Variants in FGGY observed in about 807,000 individuals in gnomAD.
The protein encoded by FGGY is FGGY carbohydrate kinase domain containing, also known as FGGY carbohydrate kinase domain-containing protein.
A neutral mutation model predicts 71.3 loss-of-function variants in FGGY; 72 were observed. The ratio of observed to expected loss-of-function variants is 1.01; its 90% confidence interval spans 0.84 to 1.23. FGGY has a LOEUF of 1.23. Ranked by LOEUF, FGGY falls within the 50% of genes most tolerant of loss-of-function variation. FGGY has a pLI of 0.00. For synonymous variants in FGGY, 251 were observed against 250.3 expected, an observed-to-expected ratio of 1.00 and a Z score of -0.02; for missense variants, 668 against 682.3, an observed-to-expected ratio of 0.98 and a Z score of 0.23.
At chr1:59,485,435 G>A (rs1569866752) in intron 6 of FGGY, among the ~76,000 whole-genome samples, 1 of 152,312 alleles carries the variant, frequency 6.6e-6, no homozygotes, top group East Asian at 1.9e-4. Context: ...TGGCTGGTCA[G>A]GTAGGTTAGC....
At chr1:59,452,535 C>T (rs2091287055) in intron 5 of FGGY, among the ~76,000 whole-genome samples, 1 of 152,116 alleles carries the variant, frequency 6.6e-6, no homozygotes, top group Non-Finnish European at 1.5e-5. Flanking sequence ...TGGGACTTGC[C>T]TCTTGTAGAT....
At chr1:59,686,140 T>C (rs2097542144) in intron 14 of FGGY, among the ~76,000 whole-genome samples, 1 of 152,178 alleles carries the variant, frequency 6.6e-6, no homozygotes, top group Non-Finnish European at 1.5e-5. Flanking sequence ...GTTTATAGCT[T>C]TTTGGAGATG....
chr1:59,693,335 G>T (rs1165733297), intron 14 of FGGY, among the ~76,000 whole-genome samples: 1 of 152,186 alleles, frequency 6.6e-6, no homozygotes, highest in East Asian at 1.9e-4. Context: ...TCTGTAAAAT[G>T]TTCTACCCAT....
intron 10 of FGGY, among the ~76,000 whole-genome samples, chr1:59,629,101 G>C (rs2096884943): frequency 6.6e-6 from 1 of 152,000 alleles, no homozygotes; most frequent in Admixed American, 6.6e-5. Context: ...AGCATTAGGA[G>C]AAATACCTAA....
chr1:59,604,602 G>T (rs1006543206), intron 8 of FGGY, among the ~76,000 whole-genome samples: 1 of 152,262 alleles, frequency 6.6e-6, no homozygotes, highest in Non-Finnish European at 1.5e-5. Context: ...TGGGACAGGG[G>T]ATGGGGAGAA....
intron 14 of FGGY, among the ~76,000 whole-genome samples, chr1:59,756,822 G>A (rs776699208): frequency 6.6e-6 from 1 of 151,976 alleles, no homozygotes; most frequent in Non-Finnish European, 1.5e-5. Context: ...CAGTAAGGTG[G>A]CAAAGATGGT....
chr1:59,616,054 C>A (rs918900809), intron 9 of FGGY, among the ~76,000 whole-genome samples: 1 of 152,130 alleles, frequency 6.6e-6, no homozygotes, highest in Non-Finnish European at 1.5e-5. Context: ...TAAACTAGTT[C>A]AACCATTGTG....
rs949802946 is a variant in FGGY, at chr1:59,450,269, C to T, written c.555-6692C>T. On this transcript the variant is annotated intron_variant, in intron 5 of 15. Coordinates refer to ENST00000303721, the MANE Select transcript of FGGY (RefSeq NM_018291.5). ...CGACCTTAAAATAATTTTGATGCCTCATTATATATAATACACTTTCATATC... is the reference window on the plus strand; with the variant it reads ...CGACCTTAAAATAATTTTGATGCCTTATTATATATAATACACTTTCATATC... 2.0e-5 allele frequency among the ~76,000 whole-genome samples: 3 copies of T among 152,266 alleles called. No individual in the cohort carries two copies. In the South Asian group the frequency reaches 6.2e-4, roughly 32 times the overall value.
chr1:59,465,637 TA>T (rs2092573866), intron 6 of FGGY, among the ~76,000 whole-genome samples: 1 of 152,210 alleles, frequency 6.6e-6, no homozygotes, highest in Admixed American at 6.5e-5. Flanking sequence ...TCTCCTCAGC[TA>T]ATAAGCAACT....
At chr1:59,664,435 C>G (rs188097594) in intron 12 of FGGY, among the ~76,000 whole-genome samples, 1 of 152,340 alleles carries the variant, frequency 6.6e-6, no homozygotes, top group Non-Finnish European at 1.5e-5. Context: ...GGGAGTGCCT[C>G]TCATTCGGAT....
At chr1:59,531,140 A>T (rs1302188156) in intron 7 of FGGY, among the ~76,000 whole-genome samples, 1 of 152,218 alleles carries the variant, frequency 6.6e-6, no homozygotes, top group Non-Finnish European at 1.5e-5. Context: ...AAGTAAGCAG[A>T]GTCTATGTGT....
At chr1:59,341,808 A>G (rs1442660274) in intron 3 of FGGY, among the ~76,000 whole-genome samples, 1 of 152,180 alleles carries the variant, frequency 6.6e-6, no homozygotes, top group Non-Finnish European at 1.5e-5. Flanking sequence ...GGCTGTCAGT[A>G]TATCTTTTAT....
intron 6 of FGGY, among the ~76,000 whole-genome samples, chr1:59,462,619 C>A (rs2092325749): frequency 1.3e-5 from 2 of 152,260 alleles, no homozygotes; most frequent in East Asian, 1.9e-4. Context: ...AAGGAAAAAA[C>A]AAACAACCCC....
intron 8 of FGGY, among the ~76,000 whole-genome samples, chr1:59,556,120 C>T (rs1203962950): frequency 1.3e-5 from 2 of 152,216 alleles, no homozygotes; most frequent in Non-Finnish European, 1.5e-5. Context: ...CCAGAAGGCA[C>T]CAGCCCAGGA....
intron 7 of FGGY, among the ~76,000 whole-genome samples, chr1:59,538,581 C>G (rs1031735657): frequency 2.0e-5 from 3 of 147,648 alleles, no homozygotes; most frequent in Non-Finnish European, 4.4e-5. Context: ...ATAGCAAAGA[C>G]TTGGAACCAA....
intron 5 of FGGY, among the ~76,000 whole-genome samples, chr1:59,387,275 T>C (rs2060182615): frequency 1.3e-5 from 2 of 152,134 alleles, no homozygotes. Flanking sequence ...TACAACTTAT[T>C]TTTTTACTTA....
intron 7 of FGGY, among the ~76,000 whole-genome samples, chr1:59,526,866 T>G (rs1558226837): frequency 6.6e-6 from 1 of 152,212 alleles, no homozygotes; most frequent in Non-Finnish European, 1.5e-5. Context: ...TTACCTGCTC[T>G]GTGCCTCAGA....
intron 6 of FGGY, among the ~76,000 whole-genome samples, chr1:59,505,816 C>T (rs148704363): frequency 6.6e-6 from 1 of 152,180 alleles, no homozygotes; most frequent in East Asian, 1.9e-4. Context: ...ATGTGTGTGT[C>T]TGAAACTGTT....
At chr1:59,758,092 C>A in intron 15 of FGGY, 100 bp downstream of exon 15, 2 of 762,040 alleles carry the variant, frequency 2.6e-6, no homozygotes, top group Non-Finnish European at 4.2e-6. Context: ...GTCAACTAAT[C>A]CAGTCCTTTA....
Sources: allele counts gnomAD v4.1 joint callset (sites outside exome capture counted in the v4.1 genomes callset), GRCh38; gene constraint gnomAD v4.1.1; transcripts MANE v1.5; gene names NCBI Gene and HGNC (gene_info 2026-07-23, HGNC 2026-07-21).